The following SPAST variants were observed in gnomAD, a reference collection of about 807,000 sequenced individuals.
The protein encoded by SPAST is spastic paraplegia 4 (autosomal dominant; spastin).
SPAST carries 30 observed loss-of-function variants against 76.6 expected under a neutral mutation model. The ratio of observed to expected loss-of-function variants is 0.39; its 90% CI spans 0.29 to 0.53. SPAST has a LOEUF of 0.53. SPAST is among the 20% of genes least tolerant of loss of function. The pLI is 0.68. For synonymous variants in SPAST, 305 were observed against 281.0 expected (o/e 1.09, Z -0.86); for missense variants, 717 against 770.5 (o/e 0.93, Z 0.82).
intron 12 of SPAST, among the ~76,000 whole-genome samples, chr2:32,138,090 A>T (rs1679599930): frequency 6.6e-6 from 1 of 152,178 alleles, no homozygotes; most frequent in Non-Finnish European, 1.5e-5. Flanking sequence ...GATTGATTCT[A>T]TGTCTGCTGT....
At chr2:32,087,064 C>G (rs1677510256) in intron 1 of SPAST, among the ~76,000 whole-genome samples, 1 of 152,168 alleles carries the variant, frequency 6.6e-6, no homozygotes, top group Non-Finnish European at 1.5e-5. Flanking sequence ...TAAATAAAAA[C>G]TTCCTCTAGA....
chr2:32,080,085 A>T (rs1677143423), intron 1 of SPAST, among the ~76,000 whole-genome samples: 1 of 151,936 alleles, frequency 6.6e-6, no homozygotes, highest in African/African-American at 2.4e-5. Context: ...CACATTTGTT[A>T]TTTTTCATTT....
intron 3 of SPAST, among the ~76,000 whole-genome samples, chr2:32,093,179 C>T (rs1285670970): frequency 5.3e-5 from 8 of 151,054 alleles, no homozygotes; most frequent in African/African-American, 1.7e-4. Flanking sequence ...GGCGTAGTGG[C>T]GGGCGCCTGT....
rs570596299 is a variant in SPAST at position 32,154,878 on chromosome 2, G to A, written c.*382G>A. On this transcript the variant is annotated 3_prime_UTR_variant, in exon 17 of 17. Transcript: ENST00000315285. ...AAGACACAAGAACATTTGTTTGTTT[G>A]TCTTCTGATGTTTTTTCTTAAAATA... The A allele has an allele frequency of 4.6e-4, 81 of 174,494 alleles. No homozygotes were observed. The highest frequency in any genetic ancestry group is 8.1e-4 in the Non-Finnish European group (66 of 81,774). The allele number at this position is 174,494 out of a possible 1,614,324, so 10.8% of individuals were successfully genotyped here.
chr2:32,137,796 A>G (rs1013261361), intron 12 of SPAST, among the ~76,000 whole-genome samples: 5 of 152,086 alleles, frequency 3.3e-5, no homozygotes, highest in African/African-American at 1.2e-4. Flanking sequence ...TAGTTTTTCA[A>G]CCCACACCTC....
intron 1 of SPAST, among the ~76,000 whole-genome samples, chr2:32,083,758 A>ATT (rs1413022082): frequency 2.9e-4 from 13 of 44,886 alleles, no homozygotes; most frequent in African/African-American, 1.0e-3. Context: ...TACTATATAT[A>ATT]TATATATATA....
intron 1 of SPAST, among the ~76,000 whole-genome samples, chr2:32,083,672 TATA>T (rs1261257138): frequency 2.4e-4 from 34 of 141,324 alleles, no homozygotes; most frequent in South Asian, 1.5e-3. Context: ...TATATATATA[TATA>T]TTTTTATGCT....
intron 9 of SPAST, among the ~76,000 whole-genome samples, chr2:32,134,592 CTG>C (rs1009675515): frequency 6.6e-6 from 1 of 152,140 alleles, no homozygotes; most frequent in Admixed American, 6.5e-5. Context: ...GCATGAGTCA[CTG>C]TGCCTGGTCT....
At chr2:32,110,599 A>G (rs925791130) in intron 4 of SPAST, among the ~76,000 whole-genome samples, 1 of 137,470 alleles carries the variant, frequency 7.3e-6, no homozygotes, top group African/African-American at 2.7e-5. Context: ...TATCGTATAT[A>G]CACTATATAC....
chr2:32,080,123 A>G (rs544425660), intron 1 of SPAST, among the ~76,000 whole-genome samples: 3 of 152,308 alleles, frequency 2.0e-5, no homozygotes, highest in South Asian at 2.1e-4. Flanking sequence ...CCTAAAGGGT[A>G]TGAAGTGGTA....
intron 15 of SPAST, 48 bp downstream of exon 15, chr2:32,145,055 C>T: frequency 7.2e-7 from 1 of 1,391,928 alleles, no homozygotes; most frequent in Non-Finnish European, 1.0e-6. Flanking sequence ...ATTATACCAC[C>T]TTAGAAGTTT....
At chr2:32,138,257 A>G (rs2148755307) in intron 12 of SPAST, among the ~76,000 whole-genome samples, 1 of 152,262 alleles carries the variant, frequency 6.6e-6, no homozygotes, top group South Asian at 2.1e-4. Context: ...CAATGACTGA[A>G]CTTTACATTC....
rs149435560 is a variant in SPAST at position 32,110,353 on chromosome 2, C to T, written c.683-4285C>T. On this transcript the variant is annotated intron_variant, in intron 4 of 16. Transcript: ENST00000315285. ...CAGGCTGTTCTCAAACTCCTGACCT[C>T]GTGATCCACCCGCCTCGGCCTCCCA... is the stretch of plus-strand genomic sequence containing the variant. 4.2e-3 allele frequency among the ~76,000 whole-genome samples: 620 copies of T among 148,750 alleles called. 3 individuals are homozygous for T. The highest frequency in any genetic ancestry group is 6.8e-3 in the Non-Finnish European group (460 of 67,362).
Position 32,136,592 on chromosome 2 carries a change from T to G in SPAST, c.1275T>G (p.Ala425=), listed in dbSNP as rs777175024. 2 of 1,613,646 alleles carry G rather than the reference T, an allele frequency of 1.2e-6. No homozygotes were observed. The highest frequency in any genetic ancestry group is 1.7e-6 in the Non-Finnish European group (2 of 1,179,604). ...YVGEGEKLVR[A]LFAVARELQP... The stretch of plus-strand genomic sequence containing the variant: ...GAGAAGGAGAGAAATTGGTGAGGGC[T>G]CTTTTTGCTGTGGCTCGAGAACTTC... The change falls in exon 10 of 17, where the codon GCT becomes GCG. Residue 425 remains alanine, a synonymous_variant. Transcript: ENST00000315285.
At chr2:32,121,625 T>A (rs1386829016) in intron 7 of SPAST, among the ~76,000 whole-genome samples, 1 of 149,102 alleles carries the variant, frequency 6.7e-6, no homozygotes, top group Non-Finnish European at 1.5e-5. Flanking sequence ...ACTGCGCCCT[T>A]CGCCTCCTGG....
rs1353532097 is a variant in SPAST at position 32,127,027 on chromosome 2, G to T, written c.1173+5G>T. 4 of 1,600,206 alleles carry T rather than the reference G, an allele frequency of 2.5e-6. No individual in the cohort carries two copies. Among genetic ancestry groups the T allele is most frequent in the Non-Finnish European group, 3.4e-6 (4 of 1,167,530 alleles). The stretch of plus-strand genomic sequence containing the variant: ...GGGAATGGGAAGACAATGCTGGTAA[G>T]GGTTCTCTTCAAATTTGAGTTTTCT... On this transcript the variant is annotated splice_donor_5th_base_variant and intron_variant, in intron 8 of 16. Transcript: ENST00000315285.
chr2:32,082,893 C>A (rs1039962065), intron 1 of SPAST, among the ~76,000 whole-genome samples: 1 of 152,124 alleles, frequency 6.6e-6, no homozygotes, highest in Admixed American at 6.6e-5. Flanking sequence ...TGTGGAGATA[C>A]CACAATTTGT....
chr2:32,075,896 CTTTTTTTTT>C (rs1209272322), intron 1 of SPAST, among the ~76,000 whole-genome samples: 2 of 81,772 alleles, frequency 2.4e-5, no homozygotes, highest in East Asian at 4.1e-4. Context: ...TCAAAATGCT[CTTTTTTTTT>C]TTTTTTTTTT....
At chr2:32,095,436 T>C (rs1677879837) in intron 3 of SPAST, among the ~76,000 whole-genome samples, 1 of 152,158 alleles carries the variant, frequency 6.6e-6, no homozygotes, top group African/African-American at 2.4e-5. Context: ...ATAAAAGTTA[T>C]GAAAGAATGT....
Sources: allele counts gnomAD v4.1 joint callset (sites outside exome capture counted in the v4.1 genomes callset), GRCh38; gene constraint gnomAD v4.1.1; transcripts MANE v1.5; gene names NCBI Gene and HGNC (gene_info 2026-07-23, HGNC 2026-07-21).